The following KMT2C variants were observed in gnomAD, a reference collection of about 807,000 sequenced individuals.
KMT2C encodes the protein histone-lysine N-methyltransferase 2C.
Under a neutral mutation model 507.9 loss-of-function variants are expected in KMT2C, and 88 were observed. That is an observed-to-expected ratio of 0.17 (90% CI 0.15 to 0.21). The LOEUF (loss-of-function observed/expected upper bound fraction) is 0.21, where lower values mean the gene tolerates loss of function less well. KMT2C is among the 10% of genes least tolerant of loss of function. The probability of loss-of-function intolerance (pLI) is 1.00; values close to 1 mark genes in which losing one functional copy is unlikely to be tolerated. For synonymous variants in KMT2C, 2,049 were observed against 2,080.8 expected (o/e 0.98, Z 0.42); for missense variants, 4,954 against 5,957.8 (o/e 0.83, Z 5.55).
chr7:152,199,570 T>C, intron 26 of KMT2C, 111 bp from the exon 27 acceptor site: 1 of 576,582 alleles, frequency 1.7e-6, no homozygotes, highest in South Asian at 3.2e-5. Flanking sequence ...AGGTTTATAT[T>C]TAACAATATA....
chr7:152,431,348 C>T (rs1000987231), intron 1 of KMT2C, among the ~76,000 whole-genome samples: 2 of 152,000 alleles, frequency 1.3e-5, no homozygotes, highest in African/African-American at 4.8e-5. Context: ...TCTGTAATCC[C>T]AGCACTTTGG....
At chr7:152,209,454 C>CAAAA (rs71198766) in intron 23 of KMT2C, among the ~76,000 whole-genome samples, 48 of 70,908 alleles carry the variant, frequency 6.8e-4, no homozygotes, top group African/African-American at 2.0e-3. Context: ...GACTCCGTCT[C>CAAAA]AAAAAAAAAA....
rs1030208290 is a variant in KMT2C at position 152,135,622 on chromosome 7, A to G, written c.*1210T>C. ...GTTTACATGATTCTCTGTGGCTGAA[A>G]CAAAGTTCTAATCAAAACTACTTTT... On this transcript the variant is annotated 3_prime_UTR_variant, in exon 59 of 59. Coordinates refer to ENST00000262189, the MANE Select transcript of KMT2C (RefSeq NM_170606.3). 1 of 227,206 alleles carries G rather than the reference A, an allele frequency of 4.4e-6. No individual in the cohort carries two copies. Among genetic ancestry groups the G allele is most frequent in the Non-Finnish European group, 8.8e-6 (1 of 114,140 alleles). The allele number at this position is 227,206 out of a possible 1,614,324, so 14.1% of individuals were successfully genotyped here.
At chr7:152,198,754 C>T (rs1212482880) in intron 27 of KMT2C, among the ~76,000 whole-genome samples, 1 of 152,104 alleles carries the variant, frequency 6.6e-6, no homozygotes, top group Non-Finnish European at 1.5e-5. Context: ...ATCATGAGGC[C>T]AAAGATGCTG....
chr7:152,301,992 A>G lies in KMT2C; in HGVS notation c.849+7974T>C, dbSNP rs567629639. 7.2e-5 allele frequency among the ~76,000 whole-genome samples: 11 copies of G among 152,336 alleles called. No homozygotes were observed. The South Asian group carries it at 2.3e-3, about 32-fold the overall frequency. ...TTTGCCTATCTACATTCTTAATGTGAATTGCCACCTTACTATAGGAAGGCT... is the reference window on the plus strand; with the variant it reads ...TTTGCCTATCTACATTCTTAATGTGGATTGCCACCTTACTATAGGAAGGCT... On this transcript the variant is annotated intron_variant, in intron 6 of 58. Coordinates refer to ENST00000262189, the MANE Select transcript of KMT2C (RefSeq NM_170606.3).
At chr7:152,296,991 G>GAAGGAA (rs2129189759) in intron 6 of KMT2C, among the ~76,000 whole-genome samples, 1 of 95,744 alleles carries the variant, frequency 1.0e-5, no homozygotes, top group Non-Finnish European at 2.2e-5. Context: ...AAGAAAGAAA[G>GAAGGAA]AAAGAAAAAG....
intron 1 of KMT2C, among the ~76,000 whole-genome samples, chr7:152,379,958 C>A (rs2097358163): frequency 6.6e-6 from 1 of 152,336 alleles, no homozygotes; most frequent in African/African-American, 2.4e-5. Flanking sequence ...AATGGCTGGG[C>A]ATGGTGGCTC....
intron 35 of KMT2C, 65 bp downstream of exon 35, chr7:152,182,909 C>A: frequency 8.6e-7 from 1 of 1,157,322 alleles, no homozygotes. Flanking sequence ...AATAATAATG[C>A]AAAGACCTCC....
intron 46 of KMT2C, 110 bp downstream of exon 46, chr7:152,155,800 T>G (rs886319787): frequency 1.9e-6 from 2 of 1,050,024 alleles, no homozygotes; most frequent in Non-Finnish European, 2.7e-6. Flanking sequence ...AATTGTACTC[T>G]TCAAATGTTT....
chr7:152,381,619 C>T (rs1250202486), intron 1 of KMT2C, among the ~76,000 whole-genome samples: 1 of 152,256 alleles, frequency 6.6e-6, no homozygotes, highest in Non-Finnish European at 1.5e-5. Context: ...AGAAATATAA[C>T]ACCATTTTAA....
chr7:152,418,914 C>G (rs990635117), intron 1 of KMT2C, among the ~76,000 whole-genome samples: 2 of 150,774 alleles, frequency 1.3e-5, no homozygotes, highest in African/African-American at 4.9e-5. Context: ...ATAGGTCAGG[C>G]TGGGTGTGGT....
At chr7:152,250,049 A>T in intron 12 of KMT2C, 96 bp from the exon 13 acceptor site, 1 of 696,122 alleles carries the variant, frequency 1.4e-6, no homozygotes. Flanking sequence ...TATTCTACTA[A>T]ATGTCAATTT....
intron 6 of KMT2C, among the ~76,000 whole-genome samples, chr7:152,279,724 T>G (rs2096165358): frequency 2.0e-5 from 3 of 152,138 alleles, no homozygotes. Flanking sequence ...CATTACAAAA[T>G]CAAAATGGAG....
In KMT2C at chr7:152,185,681, T is replaced by C. The variant is rs752362169; in HGVS notation, c.5009-50A>G. 11 of 1,339,030 alleles carry C rather than the reference T, an allele frequency of 8.2e-6. No homozygotes were observed. The East Asian group carries it at 1.1e-4, about 14-fold the overall frequency. 82.9% of individuals were successfully genotyped at this position (1,339,030 alleles called of 1,614,324 possible). On this transcript the variant is annotated intron_variant, in intron 33 of 58. Transcript: ENST00000262189. ...CACTTTCTCAGAGCCATGCTAATGA[T>C]GTGTTGTAATAAAGAATGTTGATGA...
At chr7:152,339,509 T>G (rs1237032818) in intron 2 of KMT2C, among the ~76,000 whole-genome samples, 1 of 152,248 alleles carries the variant, frequency 6.6e-6, no homozygotes, top group Non-Finnish European at 1.5e-5. Flanking sequence ...TGTTATAAGA[T>G]TACAAGTTTG....
chr7:152,366,480 T>C (rs1042263996), intron 1 of KMT2C, among the ~76,000 whole-genome samples: 14 of 152,018 alleles, frequency 9.2e-5, no homozygotes, highest in Non-Finnish European at 1.5e-5. Flanking sequence ...CCTAAGTGAA[T>C]TAAACCAGTC....
chr7:152,242,487 A>G (rs1208930993), intron 14 of KMT2C, among the ~76,000 whole-genome samples: 1 of 152,208 alleles, frequency 6.6e-6, no homozygotes, highest in Non-Finnish European at 1.5e-5. Flanking sequence ...ATTAAGTTGT[A>G]AATAGAATCA....
chr7:152,204,632 T>TAGAG (rs1193694001), intron 25 of KMT2C, among the ~76,000 whole-genome samples: 1 of 136,170 alleles, frequency 7.3e-6, no homozygotes, highest in Non-Finnish European at 1.6e-5. Flanking sequence ...GATAGATAGA[T>TAGAG]AGATAGACAG....
Position 152,199,265 on chromosome 7 carries a change from A to G in KMT2C, c.4273+14T>C. The G allele has an allele frequency of 1.3e-6, 2 of 1,563,020 alleles. No individual in the cohort carries two copies. The highest frequency in any genetic ancestry group is 1.7e-6 in the Non-Finnish European group (2 of 1,158,388). On this transcript the variant is annotated intron_variant, in intron 27 of 58. Transcript: ENST00000262189. ...TATGATATAAAGAAAATATCTGTGA[A>G]TAATTCTACATACCGTGAGTTCCAG...
Sources: gnomAD v4.1 joint callset for allele counts (sites outside exome capture counted in the v4.1 genomes callset) on GRCh38, gnomAD v4.1.1 for gene constraint, MANE v1.5 for transcripts, NCBI Gene and HGNC (gene_info 2026-07-23, HGNC 2026-07-21) for gene names.